Variants in LEPR observed in about 807,000 individuals in gnomAD.
LEPR encodes the protein OB receptor.
A neutral mutation model predicts 114.7 loss-of-function variants in LEPR; 56 were observed. The observed-to-expected ratio is 0.49, with a 90% confidence interval of 0.39 to 0.61. LEPR has a LOEUF of 0.61. Among genes scored for constraint, LEPR ranks in the 20% least tolerant of loss-of-function variants. The probability of loss-of-function intolerance (pLI) is 0.00; values close to 1 mark genes in which losing one functional copy is unlikely to be tolerated. For synonymous variants in LEPR, 443 were observed against 461.4 expected (o/e 0.96, Z 0.51); for missense variants, 1,202 against 1,352.9 (o/e 0.89, Z 1.75).
intron 2 of LEPR, among the ~76,000 whole-genome samples, chr1:65,481,835 A>AG (rs1467532732): frequency 6.7e-6 from 1 of 150,318 alleles, no homozygotes; most frequent in Non-Finnish European, 1.5e-5. Flanking sequence ...AAAAAAAAAA[A>AG]CACCCCAGAA....
intron 2 of LEPR, among the ~76,000 whole-genome samples, chr1:65,449,409 G>A (rs1219574256): frequency 6.6e-6 from 1 of 152,060 alleles, no homozygotes; most frequent in Non-Finnish European, 1.5e-5. Context: ...CCTGTTCCCT[G>A]TGCTCCCCTG....
intron 1 of LEPR, among the ~76,000 whole-genome samples, chr1:65,424,059 A>G (rs1288870906): frequency 2.6e-5 from 4 of 152,238 alleles, no homozygotes; most frequent in African/African-American, 9.6e-5. Context: ...CAAAGTCATA[A>G]GACCAGATGG....
chr1:65,609,147 T>A (rs1464983615), intron 12 of LEPR, among the ~76,000 whole-genome samples: 5 of 152,242 alleles, frequency 3.3e-5, no homozygotes, highest in Non-Finnish European at 7.3e-5. Context: ...GGAAAAAGAT[T>A]AAATGGCTAA....
In LEPR at chr1:65,636,939, A is replaced by G. The variant is rs1658738398; in HGVS notation, c.3422A>G (p.Tyr1141Cys). ...GTSSKKTFAS[Y>C]MPQFQTCSTQ... ...TCTAGTAAGAAGACTTTTGCATCTT[A>G]CATGCCTCAATTCCAAACTTGTTCT... Residue 1141 changes from tyrosine to cysteine, a missense_variant, in exon 20 of 20, where the codon TAC (tyrosine) becomes TGC (cysteine). By Grantham distance (194) the Tyr-to-Cys change is radical (BLOSUM62 -2). Coordinates refer to ENST00000349533, the MANE Select transcript of LEPR (RefSeq NM_002303.6). The G allele has an allele frequency of 6.2e-7, 1 of 1,609,372 alleles. No homozygotes were observed. Among genetic ancestry groups the G allele is most frequent in the African/African-American group, 1.3e-5 (1 of 74,532 alleles).
At chr1:65,422,342 C>A (rs1191314253) in intron 1 of LEPR, among the ~76,000 whole-genome samples, 1 of 152,046 alleles carries the variant, frequency 6.6e-6, no homozygotes, top group Non-Finnish European at 1.5e-5. Context: ...TTGTTGGCAA[C>A]CATGCTGGCA....
chr1:65,488,240 C>CTTTCTTTCT (rs1557620438), intron 2 of LEPR, among the ~76,000 whole-genome samples: 1 of 114,004 alleles, frequency 8.8e-6, no homozygotes, highest in Non-Finnish European at 1.8e-5. Flanking sequence ...TTCTTTCTTT[C>CTTTCTTTCT]TTTCTTTCTT....
chr1:65,570,343 A>T, intron 3 of LEPR, 130 bp from the exon 4 acceptor site: 1 of 810,304 alleles, frequency 1.2e-6, no homozygotes, highest in Non-Finnish European at 1.9e-6. Flanking sequence ...GTTATTCATT[A>T]GACACTCACT....
rs144265141 is a variant in LEPR at position 65,473,974 on chromosome 1, A to G, written c.-21+48596A>G. Reference sequence around the variant, plus strand: ...GGTTCTCTCATTAAATATACTGGTAATCTTTTTCAATTTTGTGTCACCTGC... The same window carrying G: ...GGTTCTCTCATTAAATATACTGGTAGTCTTTTTCAATTTTGTGTCACCTGC... On this transcript the variant is annotated intron_variant, in intron 2 of 19. Coordinates refer to ENST00000349533, the MANE Select transcript of LEPR (RefSeq NM_002303.6). Among the ~76,000 whole-genome samples the G allele has an allele frequency of 1.1e-4, 16 of 152,286 alleles. No homozygotes were observed. The East Asian group carries it at 3.1e-3, about 29-fold the overall frequency.
intron 2 of LEPR, among the ~76,000 whole-genome samples, chr1:65,508,280 C>G (rs182271471): frequency 2.4e-4 from 37 of 152,212 alleles, no homozygotes; most frequent in African/African-American, 8.4e-4. Flanking sequence ...TGTCGTGAAA[C>G]TTTTCCCTAG....
chr1:65,499,375 AAT>A (rs1363447449), intron 2 of LEPR, among the ~76,000 whole-genome samples: 1 of 152,104 alleles, frequency 6.6e-6, no homozygotes, highest in Non-Finnish European at 1.5e-5. Flanking sequence ...AGCCTCATTT[AAT>A]ATGTTTTCTG....
In LEPR at chr1:65,610,868, G is replaced by A. The variant is rs112196896; in HGVS notation, c.1995+572G>A. On this transcript the variant is annotated intron_variant, in intron 14 of 19. Coordinates refer to ENST00000349533, the MANE Select transcript of LEPR (RefSeq NM_002303.6). ...AATGCCAAATTTAAGATTGACTTGGGAATACAACACATGAAGTCAAAGAGT... is the reference window on the plus strand; with the variant it reads ...AATGCCAAATTTAAGATTGACTTGGAAATACAACACATGAAGTCAAAGAGT... 1.4e-4 allele frequency among the ~76,000 whole-genome samples: 21 copies of A among 152,286 alleles called. 4 individuals are homozygous for A. Among genetic ancestry groups the A allele is most frequent in the African/African-American group, 5.1e-4 (21 of 41,546 alleles).
At chr1:65,584,082 T>C (rs1013120272) in intron 5 of LEPR, among the ~76,000 whole-genome samples, 2 of 152,128 alleles carry the variant, frequency 1.3e-5, no homozygotes, top group Non-Finnish European at 2.9e-5. Flanking sequence ...CTTCCCTTCT[T>C]TCCTTTCTAT....
At chr1:65,557,121 T>G (rs1570687592) in intron 2 of LEPR, among the ~76,000 whole-genome samples, 1 of 152,310 alleles carries the variant, frequency 6.6e-6, no homozygotes, top group East Asian at 1.9e-4. Flanking sequence ...GCTTTGAAAC[T>G]CTGGTATTAT....
In LEPR at chr1:65,596,647, C is replaced by T. The variant is rs996832655; in HGVS notation, c.849+54C>T. ...AAGTTGAGAAGTAAATAAAGACCCT[C>T]TTAAGTCCCATAGCAATTACCCTCT... On this transcript the variant is annotated intron_variant, in intron 7 of 19. Transcript: ENST00000349533. The T allele has an allele frequency of 7.2e-6, 11 of 1,519,112 alleles. No homozygotes were observed. The African/African-American group carries it at 1.4e-4, about 19-fold the overall frequency. The allele number at this position is 1,519,112 out of a possible 1,614,324, so 94.1% of individuals were successfully genotyped here.
Position 65,605,887 on chromosome 1 carries a change from T to A in LEPR, c.1603+650T>A, listed in dbSNP as rs188076065. On this transcript the variant is annotated intron_variant, in intron 11 of 19. Coordinates refer to ENST00000349533, the MANE Select transcript of LEPR (RefSeq NM_002303.6). ...ATCTTTTGGTGCTGTTACATATGTA[T>A]AACTAAGGAAGCTTTTGTAGATCTT... Among the ~76,000 whole-genome samples, 946 of 152,304 alleles carry A rather than the reference T, an allele frequency of 6.2e-3. 12 individuals carry two copies. Among genetic ancestry groups the A allele is most frequent in the Non-Finnish European group, 8.9e-3 (604 of 67,996 alleles).
At chr1:65,547,891 T>A (rs1651900703) in intron 2 of LEPR, among the ~76,000 whole-genome samples, 1 of 140,690 alleles carries the variant, frequency 7.1e-6, no homozygotes, top group Non-Finnish European at 1.5e-5. Flanking sequence ...TTCTTTTAAT[T>A]GTGATGTTAG....
intron 2 of LEPR, among the ~76,000 whole-genome samples, chr1:65,478,005 T>C (rs534578205): frequency 6.6e-6 from 1 of 152,356 alleles, no homozygotes; most frequent in East Asian, 1.9e-4. Context: ...GTATTATTAA[T>C]GCTCAAAACA....
At chr1:65,591,758 T>C (rs2154380) in intron 5 of LEPR, among the ~76,000 whole-genome samples, 76,347 of 151,790 alleles carry the variant, frequency 0.5, 20,016 homozygotes, top group East Asian at 0.88. Context: ...GTCTTTTTAA[T>C]CCAGCATGAT....
At chr1:65,553,497 T>C (rs1652576459) in intron 2 of LEPR, among the ~76,000 whole-genome samples, 1 of 152,126 alleles carries the variant, frequency 6.6e-6, no homozygotes, top group African/African-American at 2.4e-5. Flanking sequence ...TTCTTCCGCT[T>C]GTTCAATTTG....
Sources: allele counts gnomAD v4.1 joint callset (sites outside exome capture counted in the v4.1 genomes callset), GRCh38; gene constraint gnomAD v4.1.1; transcripts MANE v1.5; gene names NCBI Gene and HGNC (gene_info 2026-07-23, HGNC 2026-07-21).